ANKK1: variants seen among roughly 807,000 people sequenced by gnomAD.
ANKK1 encodes the protein ankyrin repeat and protein kinase domain-containing protein 1.
Under a neutral mutation model 37.6 loss-of-function variants are expected in ANKK1, and 37 were observed. The ratio of observed to expected loss-of-function variants is 0.98; its 90% CI spans 0.76 to 1.29. The LOEUF (loss-of-function observed/expected upper bound fraction) is 1.29. Ranked by LOEUF, ANKK1 falls within the 50% of genes most tolerant of loss-of-function variation. The probability of loss-of-function intolerance (pLI) is 0.00; values close to 1 mark genes in which losing one functional copy is unlikely to be tolerated. For missense variants in ANKK1, 1,019 were observed against 990.6 expected (o/e 1.03, Z -0.39); for synonymous variants, 415 against 418.7 (o/e 0.99, Z 0.11).
intron 5 of ANKK1, 119 bp from the exon 6 acceptor site, chr11:113,397,105 C>T (rs1286589806): frequency 3.7e-6 from 3 of 813,538 alleles, no homozygotes; most frequent in Non-Finnish European, 3.8e-6. Flanking sequence ...TTTATATGAA[C>T]ATATGTGAGC....
In ANKK1 at chr11:113,393,486, A is replaced by G; in HGVS notation, c.191A>G (p.Asp64Gly). The change falls in exon 2 of 8, where the codon GAT becomes GGT. Residue 64 changes from aspartate (D) to glycine (G), a missense_variant. Coordinates refer to ENST00000303941, the MANE Select transcript of ANKK1 (RefSeq NM_178510.2). ...PCLPPDAASS[D>G]VNYLIEEAAK... ...CTTGCTCCCCCTCTCCATAGCTCTG[A>G]TGTGAATTACCTCATTGAAGAAGCT... 6.2e-7 allele frequency: 1 copy of G among 1,612,248 alleles called. No individual in the cohort carries two copies. Among genetic ancestry groups the G allele is most frequent in the Non-Finnish European group, 8.5e-7 (1 of 1,178,770 alleles).
Position 113,395,372 on chromosome 11 carries a change from A to T in ANKK1, c.646A>T (p.Ile216Phe). The change falls in exon 4 of 8, where the codon ATC (isoleucine) becomes TTC (phenylalanine). Residue 216 changes from isoleucine to phenylalanine, a missense_variant. By Grantham distance (21) the Ile-to-Phe change is conservative. Transcript: ENST00000303941. ...CTGCATCCACAGCTTTGCAATTGTC[A>T]TCTGGGAGCTACTCACTCAGAAGAA... ...KYDVYSFAIVIWELLTQKKPY... is the reference protein window; with the variant it reads ...KYDVYSFAIVFWELLTQKKPY... The T allele has an allele frequency of 6.2e-7, 1 of 1,613,908 alleles. No individual in the cohort carries two copies. Among genetic ancestry groups the T allele is most frequent in the Non-Finnish European group, 8.5e-7 (1 of 1,179,874 alleles).
chr11:113,393,536 C>T lies in ANKK1; in HGVS notation c.241C>T (p.Gln81Ter). The T allele has an allele frequency of 6.2e-7, 1 of 1,614,014 alleles. No individual in the cohort carries two copies. The highest frequency in any genetic ancestry group is 8.5e-7 in the Non-Finnish European group (1 of 1,179,890). The change falls in exon 2 of 8, where the codon CAG (glutamine) becomes TAG (stop). Residue 81 changes from glutamine to a stop codon, truncating the protein, a stop_gained. Transcript: ENST00000303941. LOFTEE classifies it high-confidence loss of function. ...TGCCAAAATGAAGAAGATCAAGTTT[C>T]AGCACATCGTGTCTATCTACGGGGT... ...EAAKMKKIKF[Q>*]HIVSIYGVCK... is the part of the protein sequence containing the mutation.
chr11:113,400,069 C>T lies in ANKK1; in HGVS notation c.2100C>T (p.Ala700=), dbSNP rs746512232. The T allele has an allele frequency of 6.2e-7, 1 of 1,613,466 alleles. No homozygotes were observed. The highest frequency in any genetic ancestry group is 1.1e-5 in the South Asian group (1 of 91,076). ...KVGWTPAHLA[A]LKGNTAILKV... Reference sequence around the variant, plus strand: ...GCTGGACACCCGCCCACCTGGCCGCCCTCAAGGGCAACACAGCCATCCTCA... The same window carrying T: ...GCTGGACACCCGCCCACCTGGCCGCTCTCAAGGGCAACACAGCCATCCTCA... Residue 700 remains alanine (A), a synonymous_variant, in exon 8 of 8, where the codon GCC becomes GCT. Coordinates refer to ENST00000303941, the MANE Select transcript of ANKK1 (RefSeq NM_178510.2).
At position 113,387,911 on chromosome 11, in the gene ANKK1, G is replaced by T. The variant is rs1429011298; in HGVS notation, c.27G>T (p.Arg9=). 2 of 1,561,570 alleles carry T rather than the reference G, an allele frequency of 1.3e-6. No individual in the cohort carries two copies. The change falls in exon 1 of 8, where the codon CGG becomes CGT. Residue 9 remains arginine, a synonymous_variant. Transcript: ENST00000303941. ...TGGCTGCCGACCCCACCGAGCTGCGGCTGGGCAGCCTCCCCGTCTTCACCC... is the reference window on the plus strand; with the variant it reads ...TGGCTGCCGACCCCACCGAGCTGCGTCTGGGCAGCCTCCCCGTCTTCACCC... MAADPTEL[R]LGSLPVFTRD... is the part of the protein sequence containing the mutation.
intron 1 of ANKK1, among the ~76,000 whole-genome samples, chr11:113,392,909 G>C (rs1950599047): frequency 6.6e-6 from 1 of 152,200 alleles, no homozygotes; most frequent in Admixed American, 6.6e-5. Flanking sequence ...GAAAGAAGGA[G>C]TGAAAGAGAG....
In ANKK1 at chr11:113,387,841, C is replaced by A. The variant is rs111334073; in HGVS notation, c.-44C>A. On this transcript the variant is annotated 5_prime_UTR_variant, in exon 1 of 8. Transcript: ENST00000303941. ...GCTCCTTCGGCCACCCAGGCAGCAG[C>A]CACAGCGGGGAGTGCGCGGCGCGGG... 2 of 1,448,816 alleles carry A rather than the reference C, an allele frequency of 1.4e-6. No homozygotes were observed. Among genetic ancestry groups the A allele is most frequent in the African/African-American group, 2.9e-5 (2 of 69,344 alleles). The allele number at this position is 1,448,816 out of a possible 1,614,324, so 89.7% of individuals were successfully genotyped here.
chr11:113,399,601 A>G lies in ANKK1; in HGVS notation c.1632A>G (p.Gln544=). ...AGCGGGGCAAAGTGAGGGCCATCCA[A>G]CACCTGCTGAAGAGTGGAGCGGTCC... ...AVERGKVRAI[Q]HLLKSGAVPD... Residue 544 remains glutamine, a synonymous_variant, in exon 8 of 8, where the codon CAA becomes CAG. Coordinates refer to ENST00000303941, the MANE Select transcript of ANKK1 (RefSeq NM_178510.2). 1.2e-6 allele frequency: 2 copies of G among 1,606,868 alleles called. No individual in the cohort carries two copies.
chr11:113,394,792 A>C, intron 2 of ANKK1, 137 bp from the exon 3 acceptor site: 1 of 1,178,646 alleles, frequency 8.5e-7, no homozygotes, highest in South Asian at 1.3e-5. Flanking sequence ...AGTAAGTGGT[A>C]GTGCTAGGAG....
intron 1 of ANKK1, among the ~76,000 whole-genome samples, chr11:113,388,334 T>G (rs530818161): frequency 6.6e-6 from 1 of 152,304 alleles, no homozygotes; most frequent in South Asian, 2.1e-4. Context: ...CAAAGACGCC[T>G]TTATCCCATC....
chr11:113,390,063 G>C (rs1193857909), intron 1 of ANKK1, among the ~76,000 whole-genome samples: 1 of 152,148 alleles, frequency 6.6e-6, no homozygotes, highest in South Asian at 2.1e-4. Context: ...CACCCGACTT[G>C]GTGCTGGATT....
chr11:113,393,472 T>C lies in ANKK1; in HGVS notation c.186-9T>C. The C allele has an allele frequency of 1.9e-6, 3 of 1,604,238 alleles. No homozygotes were observed. Among genetic ancestry groups the C allele is most frequent in the South Asian group, 1.1e-5 (1 of 89,926 alleles). ...ACCCCCTTCCATATCTTGCTCCCCC[T>C]CTCCATAGCTCTGATGTGAATTACC... On this transcript the variant is annotated splice_polypyrimidine_tract_variant and intron_variant, in intron 1 of 7. Transcript: ENST00000303941.
intron 1 of ANKK1, among the ~76,000 whole-genome samples, chr11:113,390,880 C>T (rs1256858240): frequency 2.0e-5 from 3 of 152,002 alleles, no homozygotes; most frequent in Non-Finnish European, 4.4e-5. Context: ...GAATAATAAA[C>T]TTTTTAGCTA....
At chr11:113,389,001 C>T (rs186677042) in intron 1 of ANKK1, among the ~76,000 whole-genome samples, 12 of 152,250 alleles carry the variant, frequency 7.9e-5, no homozygotes, top group Non-Finnish European at 1.3e-4. Context: ...CATGCAAACT[C>T]TTAAGATACA....
Position 113,393,675 on chromosome 11 carries a change from C to T in ANKK1, c.380C>T (p.Thr127Ile). 6.2e-7 allele frequency: 1 copy of T among 1,613,978 alleles called. No homozygotes were observed. The highest frequency in any genetic ancestry group is 2.2e-5 in the East Asian group (1 of 44,882). The change falls in exon 2 of 8, where the codon ACC (threonine) becomes ATC (isoleucine). Residue 127 changes from threonine (T) to isoleucine (I), a missense_variant. Transcript: ENST00000303941. ...CTCAGGTTCCGCATCATCCATGAGA[C>T]CAGCTTGGCCATGAACTTCCTGCAC... ...WKLRFRIIHE[T>I]SLAMNFLHSI...
chr11:113,399,676 CA>C lies in ANKK1; in HGVS notation c.1708del (p.Arg570GlyfsTer5). On this transcript the variant is annotated frameshift_variant, in exon 8 of 8. Coordinates refer to ENST00000303941, the MANE Select transcript of ANKK1 (RefSeq NM_178510.2). LOFTEE classifies it low-confidence loss of function (END_TRUNC). ...GYGPLHTAAA[R>X]GKYLICKMLL... ...ACGGCCCACTGCACACTGCAGCTGC[CA>C]GGGGCAAATACCTGATCTGCAAGAT... The C allele has an allele frequency of 1.3e-6, 2 of 1,599,274 alleles. No homozygotes were observed. Among genetic ancestry groups the C allele is most frequent in the Non-Finnish European group, 1.7e-6 (2 of 1,173,142 alleles).
chr11:113,393,501 T>C lies in ANKK1; in HGVS notation c.206T>C (p.Ile69Thr), dbSNP rs1412432776. 1.2e-6 allele frequency: 2 copies of C among 1,613,522 alleles called. No individual in the cohort carries two copies. Among genetic ancestry groups the C allele is most frequent in the Admixed American group, 1.7e-5 (1 of 59,990 alleles). ...DAASSDVNYL[I>T]EEAAKMKKIK... ...CATAGCTCTGATGTGAATTACCTCA[T>C]TGAAGAAGCTGCCAAAATGAAGAAG... is the stretch of plus-strand genomic sequence containing the variant. The change falls in exon 2 of 8, where the codon ATT (isoleucine) becomes ACT (threonine). Residue 69 changes from isoleucine (I) to threonine (T), a missense_variant. Ile to Thr is a moderately conservative substitution (Grantham distance 89). Coordinates refer to ENST00000303941, the MANE Select transcript of ANKK1 (RefSeq NM_178510.2).
Position 113,400,021 on chromosome 11 carries a change from T to C in ANKK1, c.2052T>C (p.Asn684=). The change falls in exon 8 of 8, where the codon AAT becomes AAC. Residue 684 remains asparagine, a synonymous_variant. Coordinates refer to ENST00000303941, the MANE Select transcript of ANKK1 (RefSeq NM_178510.2). ...SVINLLEHHA[N]VHARNKVGWT... ...TCAACCTCCTAGAACATCACGCAAA[T>C]GTCCACGCCCGCAACAAGGTGGGCT... is the stretch of plus-strand genomic sequence containing the variant. 6.2e-7 allele frequency: 1 copy of C among 1,613,354 alleles called. No homozygotes were observed. The highest frequency in any genetic ancestry group is 8.5e-7 in the Non-Finnish European group (1 of 1,179,814).
intron 6 of ANKK1, 44 bp downstream of exon 6, chr11:113,397,386 G>C: frequency 6.5e-7 from 1 of 1,529,256 alleles, no homozygotes; most frequent in South Asian, 1.1e-5. Context: ...TGCTAAGCTG[G>C]AGCCCGCTGT....
Sources: allele counts gnomAD v4.1 joint callset (sites outside exome capture counted in the v4.1 genomes callset), GRCh38; gene constraint gnomAD v4.1.1; transcripts MANE v1.5; gene names NCBI Gene and HGNC (gene_info 2026-07-23, HGNC 2026-07-21).